The following ULK4 variants were observed in gnomAD, a reference collection of about 807,000 sequenced individuals.
ULK4 encodes the protein unc-51 like kinase 4.
Under a neutral mutation model 160.6 loss-of-function variants are expected in ULK4, and 133 were observed. The ratio of observed to expected loss-of-function variants is 0.83; its 90% CI spans 0.72 to 0.96. ULK4 has a LOEUF of 0.96. Ranked by LOEUF, ULK4 falls within the 40% of genes least tolerant of loss-of-function variation. ULK4 has a pLI of 0.00. For synonymous variants in ULK4, 534 were observed against 539.8 expected (o/e 0.99, Z 0.15); for missense variants, 1,580 against 1,499.5 (o/e 1.05, Z -0.89).
At chr3:41,763,538 G>A (rs566592852) in intron 21 of ULK4, among the ~76,000 whole-genome samples, 2 of 152,272 alleles carry the variant, frequency 1.3e-5, no homozygotes, top group African/African-American at 4.8e-5. Context: ...TATAGTAGTA[G>A]TTGGCATTTT....
intron 18 of ULK4, among the ~76,000 whole-genome samples, chr3:41,835,411 C>T (rs1225836535): frequency 1.3e-5 from 2 of 152,118 alleles, no homozygotes; most frequent in African/African-American, 4.8e-5. Context: ...CCATATTGCA[C>T]CTTTAGATAT....
intron 35 of ULK4, among the ~76,000 whole-genome samples, chr3:41,369,713 GAA>G (rs2081323993): frequency 1.3e-5 from 2 of 150,536 alleles, no homozygotes. Context: ...AGAATCCCTT[GAA>G]CTCGGGAGGC....
chr3:41,515,406 T>C (rs796970337), intron 32 of ULK4, among the ~76,000 whole-genome samples: 123 of 151,788 alleles, frequency 8.1e-4, no homozygotes, highest in African/African-American at 2.9e-3. Flanking sequence ...AAAACAACAA[T>C]GTGGATGACA....
chr3:41,663,526 C>A, intron 30 of ULK4, 81 bp downstream of exon 30: 1 of 1,308,230 alleles, frequency 7.6e-7, no homozygotes, highest in Non-Finnish European at 1.1e-6. Context: ...TTTGGAATCT[C>A]ATCTTTAATA....
intron 32 of ULK4, among the ~76,000 whole-genome samples, chr3:41,507,134 C>CAAA (rs1246185193): frequency 4.6e-5 from 1 of 21,648 alleles, no homozygotes; most frequent in African/African-American, 9.4e-5. Context: ...TAGATTCCGG[C>CAAA]CAAAAAAAAA....
chr3:41,689,155 C>A lies in ULK4; in HGVS notation c.2782-7351G>T, dbSNP rs571095852. Among the ~76,000 whole-genome samples, 5 of 152,326 alleles carry A rather than the reference C, an allele frequency of 3.3e-5. No homozygotes were observed. In the East Asian group the frequency reaches 7.7e-4, roughly 24 times the overall value. ...CTGAAGTCTTCCTTCTCCCACTCCC[C>A]TCCTTGCCTTTAAGTCTCTGCCAAA... On this transcript the variant is annotated intron_variant, in intron 27 of 36. Transcript: ENST00000301831.
At chr3:41,785,158 T>C (rs746623073) in intron 21 of ULK4, among the ~76,000 whole-genome samples, 1 of 152,282 alleles carries the variant, frequency 6.6e-6, no homozygotes, top group South Asian at 2.1e-4. Flanking sequence ...CATCATATCA[T>C]GATGAGTAGC....
At chr3:41,737,630 A>G (rs17061175) in intron 22 of ULK4, among the ~76,000 whole-genome samples, 10,720 of 151,898 alleles carry the variant, frequency 0.071, 1,432 homozygotes, top group African/African-American at 0.24. Context: ...TTTAATGCAC[A>G]TCCTTTAATT....
At chr3:41,453,781 C>T (rs2083474836) in intron 34 of ULK4, among the ~76,000 whole-genome samples, 1 of 151,920 alleles carries the variant, frequency 6.6e-6, no homozygotes, top group Non-Finnish European at 1.5e-5. Context: ...CATGTAATTT[C>T]TAACTTATAA....
At chr3:41,363,085 T>A (rs1407295996) in intron 35 of ULK4, among the ~76,000 whole-genome samples, 1 of 152,182 alleles carries the variant, frequency 6.6e-6, no homozygotes, top group East Asian at 1.9e-4. Flanking sequence ...ACACTGCCTA[T>A]CCCTACAATG....
intron 35 of ULK4, among the ~76,000 whole-genome samples, chr3:41,362,783 T>C (rs181034939): frequency 1.4e-3 from 211 of 152,372 alleles, no homozygotes; most frequent in Non-Finnish European, 2.3e-3. Context: ...TCCCAGTCTA[T>C]AGAGTCATCT....
chr3:41,638,237 G>A (rs2034042206), intron 30 of ULK4, among the ~76,000 whole-genome samples: 1 of 152,070 alleles, frequency 6.6e-6, no homozygotes. Flanking sequence ...TATTATTAAT[G>A]AGAGTGATTC....
At chr3:41,395,871 G>T (rs937713805) in intron 35 of ULK4, among the ~76,000 whole-genome samples, 1 of 152,064 alleles carries the variant, frequency 6.6e-6, no homozygotes, top group South Asian at 2.1e-4. Context: ...AAAATCACTT[G>T]GATTCAACTT....
chr3:41,391,678 T>A (rs1178189621), intron 35 of ULK4, among the ~76,000 whole-genome samples: 1 of 151,898 alleles, frequency 6.6e-6, no homozygotes, highest in Non-Finnish European at 1.5e-5. Flanking sequence ...ATTACACTCA[T>A]TTTCAGCAAC....
chr3:41,531,808 A>C (rs1232801033), intron 32 of ULK4, among the ~76,000 whole-genome samples: 3 of 152,226 alleles, frequency 2.0e-5, no homozygotes, highest in South Asian at 4.1e-4. Flanking sequence ...TAACAATTAG[A>C]ATTTTTCAAA....
chr3:41,772,282 C>A (rs1390592929), intron 21 of ULK4, among the ~76,000 whole-genome samples: 4 of 152,176 alleles, frequency 2.6e-5, no homozygotes, highest in Non-Finnish European at 4.4e-5. Flanking sequence ...AATCCAGGAG[C>A]TGGTTTTTTG....
At chr3:41,725,902 G>T (rs960183403) in intron 22 of ULK4, among the ~76,000 whole-genome samples, 2 of 152,152 alleles carry the variant, frequency 1.3e-5, no homozygotes, top group African/African-American at 4.8e-5. Context: ...CAGAGACTGA[G>T]ATGATTCAAA....
At chr3:41,845,110 C>T (rs1265984517) in intron 17 of ULK4, among the ~76,000 whole-genome samples, 2 of 152,076 alleles carry the variant, frequency 1.3e-5, no homozygotes, top group Admixed American at 6.6e-5. Flanking sequence ...GGACTACAGG[C>T]ACCCACCACC....
intron 35 of ULK4, among the ~76,000 whole-genome samples, chr3:41,378,322 T>C (rs1488760953): frequency 6.6e-6 from 1 of 151,312 alleles, no homozygotes; most frequent in African/African-American, 2.4e-5. Flanking sequence ...CATGTATACA[T>C]ATGTAACTAA....
Sources: gnomAD v4.1 joint callset for allele counts (sites outside exome capture counted in the v4.1 genomes callset) on GRCh38, gnomAD v4.1.1 for gene constraint, MANE v1.5 for transcripts, NCBI Gene and HGNC (gene_info 2026-07-23, HGNC 2026-07-21) for gene names.